The following HDAC11 variants were observed in gnomAD, a reference collection of about 807,000 sequenced individuals.
HDAC11 encodes histone deacetylase 11.
In HDAC11, 23 loss-of-function variants were observed where a neutral mutation model predicts 41.1. The ratio of observed to expected loss-of-function variants is 0.56; its 90% CI spans 0.40 to 0.79. The LOEUF (loss-of-function observed/expected upper bound fraction) is 0.79, where lower values mean the gene tolerates loss of function less well. HDAC11 is among the 30% of genes least tolerant of loss of function. HDAC11 has a pLI of 0.00. For synonymous variants in HDAC11, 187 were observed against 186.6 expected (o/e 1.00, Z -0.02); for missense variants, 402 against 477.3 (o/e 0.84, Z 1.47).
At chr3:13,504,322 CA>C (rs776842159) in intron 9 of HDAC11, 50 bp downstream of exon 9, 14 of 1,600,436 alleles carry the variant, frequency 8.7e-6, no homozygotes, top group Non-Finnish European at 1.1e-5. Context: ...ATGGACTCAG[CA>C]GCAGCAGGAA....
At position 13,481,294 on chromosome 3, in the gene HDAC11, A is replaced by G. The variant is rs1229667123; in HGVS notation, c.51A>G (p.Pro17=). ...AGCATGTGCCAGAGACACGCTGGCCAATCGTGTACTCGCCGCGCTACAACA... is the reference window on the plus strand; with the variant it reads ...AGCATGTGCCAGAGACACGCTGGCCGATCGTGTACTCGCCGCGCTACAACA... The part of the protein sequence containing the change: ...LYQHVPETRW[P]IVYSPRYNIT... The change falls in exon 2 of 10, where the codon CCA becomes CCG. Residue 17 remains proline (P), a synonymous_variant. Transcript: ENST00000295757. The G allele has an allele frequency of 6.2e-7, 1 of 1,613,074 alleles. No individual in the cohort carries two copies. The highest frequency in any genetic ancestry group is 1.7e-5 in the Admixed American group (1 of 60,024).
chr3:13,487,006 G>A (rs945495088), intron 3 of HDAC11, among the ~76,000 whole-genome samples: 14 of 152,276 alleles, frequency 9.2e-5, no homozygotes, highest in South Asian at 6.2e-4. Flanking sequence ...ATTGTGGCTC[G>A]TACACGGTGC....
chr3:13,481,531 G>C, intron 2 of HDAC11, 137 bp downstream of exon 2: 1 of 950,092 alleles, frequency 1.1e-6, no homozygotes, highest in Non-Finnish European at 1.6e-6. Flanking sequence ...CCATGCTTCC[G>C]CCCAAAATGA....
At chr3:13,488,092 G>C (rs1302467905) in intron 3 of HDAC11, among the ~76,000 whole-genome samples, 1 of 151,528 alleles carries the variant, frequency 6.6e-6, no homozygotes, top group Non-Finnish European at 1.5e-5. Flanking sequence ...AGAACTATCT[G>C]TCATGAGTTC....
In HDAC11 at chr3:13,480,518, C is replaced by T. The variant is rs1160034713; in HGVS notation, c.2+169C>T. 1 of 342,204 alleles carries T rather than the reference C, an allele frequency of 2.9e-6. No homozygotes were observed. Among genetic ancestry groups the T allele is most frequent in the Non-Finnish European group, 5.1e-6 (1 of 194,598 alleles). The allele number at this position is 342,204 out of a possible 1,614,324, so 21.2% of individuals were successfully genotyped here. On this transcript the variant is annotated intron_variant, in intron 1 of 9. Transcript: ENST00000295757. This position sits in a 1 kb window ranked among gnomAD's most constrained non-coding sequence, Gnocchi z 4.6. The stretch of plus-strand genomic sequence containing the variant: ...GGTGTTTCCAGGCCCTCCCGGCGCG[C>T]CAGGCCAGCCCCGCGCCCCTGCTCG...
intron 3 of HDAC11, among the ~76,000 whole-genome samples, chr3:13,490,173 T>C (rs1043553109): frequency 1.3e-5 from 2 of 152,146 alleles, no homozygotes; most frequent in Non-Finnish European, 2.9e-5. Flanking sequence ...TTTCTATTTT[T>C]AGTAGAGATG....
Position 13,498,668 on chromosome 3 carries a change from G to A in HDAC11, c.412+113G>A, listed in dbSNP as rs1014657228. ...GGAGGTGGCAGCTGTGAATTCAGAAGCTCTGGTTTTCCCAAGTCACCCTAG... is the reference window on the plus strand; with the variant it reads ...GGAGGTGGCAGCTGTGAATTCAGAAACTCTGGTTTTCCCAAGTCACCCTAG... On this transcript the variant is annotated intron_variant, in intron 5 of 9. Coordinates refer to ENST00000295757, the MANE Select transcript of HDAC11 (RefSeq NM_024827.4). 5 of 1,206,898 alleles carry A rather than the reference G, an allele frequency of 4.1e-6. No individual in the cohort carries two copies. The African/African-American group carries it at 7.5e-5, about 18-fold the overall frequency. The allele number at this position is 1,206,898 out of a possible 1,614,324, so 74.8% of individuals were successfully genotyped here. A position where few individuals can be genotyped will look rare whatever the true frequency, so the allele number is the denominator to read the frequency against.
intron 5 of HDAC11, 50 bp from the exon 6 acceptor site, chr3:13,500,660 GACT>G: frequency 7.0e-7 from 1 of 1,433,002 alleles, no homozygotes; most frequent in Non-Finnish European, 9.6e-7. Context: ...GGAGCTCCTG[GACT>G]GAGCCTGGGA....
In HDAC11 at chr3:13,502,571, ACAGTTTGCTTTT is replaced by A. The variant is rs1167581439; in HGVS notation, c.553-310_553-299del. On this transcript the variant is annotated intron_variant, in intron 7 of 9. Coordinates refer to ENST00000295757, the MANE Select transcript of HDAC11 (RefSeq NM_024827.4). This position sits in a 1 kb window ranked among gnomAD's most constrained non-coding sequence, Gnocchi z 4.1. ...CCAGGTCACATGTGGACAGTCCTTTACAGTTTGCTTTTCACATCCCTGATCCCAACCAGTCCC... is the reference window on the plus strand; with the variant it reads ...CCAGGTCACATGTGGACAGTCCTTTACACATCCCTGATCCCAACCAGTCCC... 35 of 302,048 alleles carry A rather than the reference ACAGTTTGCTTTT, an allele frequency of 1.2e-4. No homozygotes were observed. Among genetic ancestry groups the A allele is most frequent in the Non-Finnish European group, 4.4e-5 (7 of 157,812 alleles). 18.7% of individuals were successfully genotyped at this position (302,048 alleles called of 1,614,324 possible).
rs1702554735 is a variant in HDAC11, at chr3:13,505,010, C to T, written c.*327C>T. On this transcript the variant is annotated 3_prime_UTR_variant, in exon 10 of 10. Coordinates refer to ENST00000295757, the MANE Select transcript of HDAC11 (RefSeq NM_024827.4). ...TCCCAGGCACAGCGAGGGCCCTGGGCTTGGGGTGTTCTGGTTTTGAGAACG... is the reference window on the plus strand; with the variant it reads ...TCCCAGGCACAGCGAGGGCCCTGGGTTTGGGGTGTTCTGGTTTTGAGAACG... 2.6e-6 allele frequency: 1 copy of T among 384,044 alleles called. No homozygotes were observed. The highest frequency in any genetic ancestry group is 3.3e-5 in the South Asian group (1 of 30,526). The allele number at this position is 384,044 out of a possible 1,614,324, so 23.8% of individuals were successfully genotyped here.
chr3:13,504,095 G>A lies in HDAC11; in HGVS notation c.651G>A (p.Gln217=). 1.2e-6 allele frequency: 2 copies of A among 1,613,890 alleles called. No individual in the cohort carries two copies. The highest frequency in any genetic ancestry group is 1.7e-6 in the Non-Finnish European group (2 of 1,179,944). ...AGGCCATCCATGTCTCTCTCCCAGA[G>A]GCCATCAGGCGGAAGGTGGAGCTGG... ...HIYPGDRFAK[Q]AIRRKVELEW... is the part of the protein sequence containing the mutation. The change falls in exon 9 of 10, where the codon CAG becomes CAA. Residue 217 remains glutamine (Q), a splice_region_variant and synonymous_variant. Transcript: ENST00000295757.
intron 3 of HDAC11, among the ~76,000 whole-genome samples, chr3:13,485,050 C>T (rs1701496713): frequency 6.6e-6 from 1 of 152,230 alleles, no homozygotes; most frequent in Admixed American, 6.5e-5. Flanking sequence ...GGCCCCTCTG[C>T]TCCACAGGTG....
Position 13,502,612 on chromosome 3 carries a change from AC to A in HDAC11, c.553-271del, listed in dbSNP as rs1161103718. 2.5e-6 allele frequency: 1 copy of A among 392,182 alleles called. No individual in the cohort carries two copies. The highest frequency in any genetic ancestry group is 4.7e-6 in the Non-Finnish European group (1 of 210,838). 24.3% of individuals were successfully genotyped at this position (392,182 alleles called of 1,614,324 possible). On this transcript the variant is annotated intron_variant, in intron 7 of 9. Transcript: ENST00000295757. The surrounding 1 kb of genome is among the most constrained non-coding windows in gnomAD (Gnocchi z 4.1). ...ATCCCTGATCCCAACCAGTCCCACC[AC>A]AGACTTGAGAGGGTGGCAGAGCGGG...
At chr3:13,490,985 G>A (rs1234093483) in intron 3 of HDAC11, among the ~76,000 whole-genome samples, 1 of 151,644 alleles carries the variant, frequency 6.6e-6, no homozygotes, top group South Asian at 2.1e-4. Context: ...TCTTGACCTC[G>A]TGATCTGCCC....
Position 13,480,816 on chromosome 3 carries a change from C to A in HDAC11, c.3-430C>A. 2.4e-6 allele frequency: 1 copy of A among 416,912 alleles called. No individual in the cohort carries two copies. Among genetic ancestry groups the A allele is most frequent in the Non-Finnish European group, 5.0e-6 (1 of 201,526 alleles). The allele number at this position is 416,912 out of a possible 1,614,324, so 25.8% of individuals were successfully genotyped here. A position where few individuals can be genotyped will look rare whatever the true frequency, so the allele number is the denominator to read the frequency against. On this transcript the variant is annotated intron_variant, in intron 1 of 9. Transcript: ENST00000295757. This position sits in a 1 kb window ranked among gnomAD's most constrained non-coding sequence, Gnocchi z 4.6. Reference sequence around the variant, plus strand: ...GTTTCTGAGTGCTTACTGTGCTCAGCTCCTCAGTTGCATTCTCTGAGTCCT... The same window carrying A: ...GTTTCTGAGTGCTTACTGTGCTCAGATCCTCAGTTGCATTCTCTGAGTCCT...
rs113121085 is a variant in HDAC11 at position 13,482,420 on chromosome 3, G to A, written c.151+1026G>A. Among the ~76,000 whole-genome samples the A allele has an allele frequency of 6.1e-3, 936 of 152,312 alleles. 10 individuals carry two copies. Among genetic ancestry groups the A allele is most frequent in the African/African-American group, 0.021 (876 of 41,564 alleles). On this transcript the variant is annotated intron_variant, in intron 2 of 9. Coordinates refer to ENST00000295757, the MANE Select transcript of HDAC11 (RefSeq NM_024827.4). Reference sequence around the variant, plus strand: ...TGTGAGACTGATTAGTGGTTTGAACGGAAGATGAGCAAAGCACAGGCAGGT... The same window carrying A: ...TGTGAGACTGATTAGTGGTTTGAACAGAAGATGAGCAAAGCACAGGCAGGT...
chr3:13,497,434 C>T (rs1277103385), intron 4 of HDAC11, among the ~76,000 whole-genome samples: 2 of 152,144 alleles, frequency 1.3e-5, no homozygotes, highest in Admixed American at 6.6e-5. Context: ...TCACCTTGGC[C>T]TCCCAAAGTA....
At chr3:13,491,105 TG>T (rs1701841107) in intron 3 of HDAC11, among the ~76,000 whole-genome samples, 1 of 151,256 alleles carries the variant, frequency 6.6e-6, no homozygotes, top group Non-Finnish European at 1.5e-5. Flanking sequence ...TGTGTGTGTG[TG>T]TGTGTGTATT....
chr3:13,497,913 G>T (rs112703124), intron 4 of HDAC11, among the ~76,000 whole-genome samples: 43,683 of 141,000 alleles, frequency 0.31, 6,798 homozygotes, highest in East Asian at 0.5. Flanking sequence ...TGGAGTGCAG[G>T]GGTGTGACCT....
Sources: allele counts gnomAD v4.1 joint callset (sites outside exome capture counted in the v4.1 genomes callset), GRCh38; gene constraint gnomAD v4.1.1; non-coding constraint Gnocchi (gnomAD v3.1); transcripts MANE v1.5; gene names NCBI Gene and HGNC (gene_info 2026-07-23, HGNC 2026-07-21).